The following GALNTL6 variants were observed in gnomAD, a reference collection of about 807,000 sequenced individuals.
The protein encoded by GALNTL6 is polypeptide N-acetylgalactosaminyltransferase-like 6.
In GALNTL6, 46 loss-of-function variants were observed where a neutral mutation model predicts 73.7. The ratio of observed to expected loss-of-function variants is 0.62; its 90% confidence interval spans 0.49 to 0.80. The LOEUF is 0.80. GALNTL6 is among the 30% of genes least tolerant of loss of function. The pLI is 0.00. For missense variants in GALNTL6, 604 were observed against 755.0 expected (o/e 0.80, Z 2.34); for synonymous variants, 259 against 263.7 (o/e 0.98, Z 0.17).
chr4:173,034,561 C>T (rs1000806220), intron 12 of GALNTL6, among the ~76,000 whole-genome samples: 3 of 152,156 alleles, frequency 2.0e-5, no homozygotes, highest in African/African-American at 7.2e-5. Flanking sequence ...CACCAGGGTG[C>T]ATAGCTGCTT....
At position 172,229,765 on chromosome 4, in the gene GALNTL6, G is replaced by A. The variant is rs769919518; in HGVS notation, c.247+1G>A. 1 of 1,591,312 alleles carries A rather than the reference G, an allele frequency of 6.3e-7. No individual in the cohort carries two copies. The highest frequency in any genetic ancestry group is 2.2e-5 in the East Asian group (1 of 44,754). On this transcript the variant is annotated splice_donor_variant, in intron 3 of 12. Transcript: ENST00000506823. LOFTEE classifies it high-confidence loss of function. The stretch of plus-strand genomic sequence containing the variant: ...ATTCAGAAAGAGGCTATGCGCTCAG[G>A]TATGAAGCTCAGTGTACGCCAAAGT...
At chr4:171,877,845 A>T (rs113184003) in intron 2 of GALNTL6, among the ~76,000 whole-genome samples, 115 of 152,352 alleles carry the variant, frequency 7.5e-4, no homozygotes, top group African/African-American at 2.5e-3. Flanking sequence ...GCATACATCG[A>T]TTGATGTTGA....
intron 2 of GALNTL6, among the ~76,000 whole-genome samples, chr4:172,013,159 T>C (rs986491980): frequency 2.6e-5 from 4 of 152,106 alleles, no homozygotes; most frequent in African/African-American, 9.7e-5. Context: ...CCTCAAACAT[T>C]TATCATTTCT....
chr4:173,029,771 T>G lies in GALNTL6; in HGVS notation c.1638+8146T>G, dbSNP rs1326513902. Among the ~76,000 whole-genome samples, 4 of 152,348 alleles carry G rather than the reference T, an allele frequency of 2.6e-5. No individual in the cohort carries two copies. In the East Asian group the frequency reaches 7.7e-4, roughly 29 times the overall value. ...TCTTTTACATTATGTTGCTATCCAC[T>G]TTTTTCCATTAAACTCTATCCTATT... On this transcript the variant is annotated intron_variant, in intron 12 of 12. Transcript: ENST00000506823.
At chr4:172,135,063 A>T (rs1481609308) in intron 2 of GALNTL6, among the ~76,000 whole-genome samples, 1 of 152,170 alleles carries the variant, frequency 6.6e-6, no homozygotes, top group Non-Finnish European at 1.5e-5. Flanking sequence ...GACTCTTTCA[A>T]ATTTACCATC....
chr4:172,462,606 G>T (rs183412090), intron 5 of GALNTL6, among the ~76,000 whole-genome samples: 88 of 152,172 alleles, frequency 5.8e-4, no homozygotes, highest in African/African-American at 1.8e-3. Context: ...CAGTATAACT[G>T]CTTATTTAAA....
chr4:172,190,168 T>C (rs1463911997), intron 2 of GALNTL6, among the ~76,000 whole-genome samples: 1 of 152,204 alleles, frequency 6.6e-6, no homozygotes, highest in East Asian at 1.9e-4. Flanking sequence ...TTTCTTTGTC[T>C]TCCCCATTAT....
chr4:172,623,847 C>A (rs1452443287), intron 5 of GALNTL6, among the ~76,000 whole-genome samples: 1 of 152,010 alleles, frequency 6.6e-6, no homozygotes, highest in Non-Finnish European at 1.5e-5. Flanking sequence ...CCATCTTAGG[C>A]CAGTTTTTCA....
rs1012916180 is a variant in GALNTL6 at position 172,181,303 on chromosome 4, G to A, written c.139-48353G>A. On this transcript the variant is annotated intron_variant, in intron 2 of 12. Coordinates refer to ENST00000506823, the MANE Select transcript of GALNTL6 (RefSeq NM_001034845.3). ...GTCGGCTTCATCCCTGGGATGCAAGGTTGGTTCAACATACTCAAATCAATA... is the reference window on the plus strand; with the variant it reads ...GTCGGCTTCATCCCTGGGATGCAAGATTGGTTCAACATACTCAAATCAATA... Among the ~76,000 whole-genome samples the A allele has an allele frequency of 5.3e-5, 8 of 152,136 alleles. No homozygotes were observed. In the South Asian group the frequency reaches 1.0e-3, roughly 20 times the overall value.
intron 5 of GALNTL6, among the ~76,000 whole-genome samples, chr4:172,650,749 G>C (rs1740440697): frequency 6.6e-6 from 1 of 152,008 alleles, no homozygotes; most frequent in African/African-American, 2.4e-5. Context: ...TTGAATAACA[G>C]TATTTCCAAA....
intron 5 of GALNTL6, among the ~76,000 whole-genome samples, chr4:172,589,157 T>C (rs542434867): frequency 6.6e-6 from 1 of 152,276 alleles, no homozygotes; most frequent in Non-Finnish European, 1.5e-5. Flanking sequence ...GTTTGCTTTG[T>C]ATTTAGGGAT....
intron 2 of GALNTL6, among the ~76,000 whole-genome samples, chr4:172,226,557 C>CTG (rs34352455): frequency 0.035 from 5,178 of 146,558 alleles, 218 homozygotes; most frequent in African/African-American, 0.1. Context: ...GAAAGAAGTT[C>CTG]TGTGTGTGTG....
At chr4:172,535,454 C>G (rs560837164) in intron 5 of GALNTL6, among the ~76,000 whole-genome samples, 1 of 152,294 alleles carries the variant, frequency 6.6e-6, no homozygotes, top group South Asian at 2.1e-4. Context: ...CCAGGTTGAA[C>G]ATCTATTTTC....
intron 5 of GALNTL6, among the ~76,000 whole-genome samples, chr4:172,612,111 A>C (rs1194650742): frequency 6.6e-6 from 1 of 152,068 alleles, no homozygotes; most frequent in Non-Finnish European, 1.5e-5. Flanking sequence ...ATGTATGTAA[A>C]ATGCCTGGCT....
intron 5 of GALNTL6, among the ~76,000 whole-genome samples, chr4:172,682,672 C>T (rs1330317926): frequency 1.3e-5 from 2 of 152,092 alleles, no homozygotes; most frequent in Non-Finnish European, 1.5e-5. Context: ...CCAGTAGAAG[C>T]TAGCTTTGCC....
intron 2 of GALNTL6, among the ~76,000 whole-genome samples, chr4:172,229,281 G>A (rs1343712943): frequency 6.6e-6 from 1 of 152,074 alleles, no homozygotes; most frequent in Non-Finnish European, 1.5e-5. Context: ...AAATAAAACT[G>A]TACCAATCAA....
chr4:172,846,438 A>C (rs563701697), intron 7 of GALNTL6, among the ~76,000 whole-genome samples: 1 of 152,324 alleles, frequency 6.6e-6, no homozygotes, highest in Admixed American at 6.5e-5. Context: ...GTGTACATAC[A>C]CAGAACATAA....
At chr4:172,182,447 CA>C (rs1735277468) in intron 2 of GALNTL6, among the ~76,000 whole-genome samples, 1 of 149,010 alleles carries the variant, frequency 6.7e-6, no homozygotes, top group Non-Finnish European at 1.5e-5. Flanking sequence ...ACATTTCAGA[CA>C]GAGACTAAGA....
At chr4:172,813,747 C>T in intron 7 of GALNTL6, 24 bp downstream of exon 7, 1 of 1,570,022 alleles carries the variant, frequency 6.4e-7, no homozygotes, top group Non-Finnish European at 8.7e-7. Flanking sequence ...AAGGGAGGGG[C>T]CGAGGGGGTG....
Sources: allele counts gnomAD v4.1 joint callset (sites outside exome capture counted in the v4.1 genomes callset), GRCh38; gene constraint gnomAD v4.1.1; transcripts MANE v1.5; gene names NCBI Gene and HGNC (gene_info 2026-07-23, HGNC 2026-07-21).